Variants in MAPK10 observed in about 807,000 individuals in gnomAD.
MAPK10 encodes the protein JNK3 alpha protein kinase.
MAPK10 carries 25 observed loss-of-function variants against 59.3 expected under a neutral mutation model. That is an observed-to-expected ratio of 0.42 (90% confidence interval 0.31 to 0.59). The LOEUF (loss-of-function observed/expected upper bound fraction) is 0.59, where lower values mean the gene tolerates loss of function less well. Ranked by LOEUF, MAPK10 falls within the 20% of genes least tolerant of loss-of-function variation. The probability of loss-of-function intolerance (pLI) is 0.15; values close to 1 mark genes in which losing one functional copy is unlikely to be tolerated. For synonymous variants in MAPK10, 190 were observed against 200.5 expected, an observed-to-expected ratio of 0.95 and a Z score of 0.44; for missense variants, 351 against 568.9, an observed-to-expected ratio of 0.62 and a Z score of 3.90.
chr4:86,158,421 C>T (rs2068500658), intron 4 of MAPK10, among the ~76,000 whole-genome samples: 1 of 151,580 alleles, frequency 6.6e-6, no homozygotes, highest in African/African-American at 2.4e-5. Context: ...TTCATCTCAT[C>T]CCTTAAAAGT....
chr4:86,289,228 G>T (rs1029764148), intron 2 of MAPK10, among the ~76,000 whole-genome samples: 13 of 152,134 alleles, frequency 8.5e-5, no homozygotes, highest in African/African-American at 3.1e-4. Context: ...TGTGCAAAGT[G>T]CCAGGGAAGG....
chr4:86,089,407 C>A, intron 9 of MAPK10: 1 of 625,046 alleles, frequency 1.6e-6, no homozygotes. Flanking sequence ...AGGCCAGTGG[C>A]ATGATCATTA....
intron 2 of MAPK10, among the ~76,000 whole-genome samples, chr4:86,291,293 A>T (rs2095218575): frequency 6.6e-6 from 1 of 152,224 alleles, no homozygotes; most frequent in Non-Finnish European, 1.5e-5. Context: ...TAGCTTGATA[A>T]TCTACCTTGT....
chr4:86,392,572 T>G (rs562774063), intron 1 of MAPK10: 1 of 152,222 alleles, frequency 6.6e-6, no homozygotes, highest in South Asian at 2.1e-4. Flanking sequence ...TTGAGTTGTA[T>G]CTTTTCTAAC....
Position 86,043,973 on chromosome 4 carries a change from G to C in MAPK10, c.1111-12542C>G, listed in dbSNP as rs1256782740. ...ACTGAATACAATGTCTGTGTTCTTT[G>C]CATTTTTCCACCCCAGGCTTATAGT... On this transcript the variant is annotated intron_variant, in intron 11 of 13. Coordinates refer to ENST00000641462, the MANE Select transcript of MAPK10 (RefSeq NM_138982.4). Among the ~76,000 whole-genome samples, 8 of 152,076 alleles carry C rather than the reference G, an allele frequency of 5.3e-5. No homozygotes were observed. In the South Asian group the frequency reaches 1.2e-3, roughly 24 times the overall value.
At chr4:86,456,850 AC>A (rs1579287272), upstream of MAPK10, among the ~76,000 whole-genome samples, 1 of 152,142 alleles carries the variant, frequency 6.6e-6, no homozygotes, top group East Asian at 1.9e-4. Flanking sequence ...AAAGGACATA[AC>A]CAAAAAAGAC....
At chr4:86,041,096 T>A (rs907737249) in intron 11 of MAPK10, 1 of 152,188 alleles carries the variant, frequency 6.6e-6, no homozygotes, top group Non-Finnish European at 1.5e-5. Flanking sequence ...GTAATGGTGG[T>A]ATGTAATTCA....
At chr4:86,346,733 G>GAA (rs3030114) in intron 2 of MAPK10, among the ~76,000 whole-genome samples, 3 of 138,670 alleles carry the variant, frequency 2.2e-5, no homozygotes, top group African/African-American at 5.6e-5. Context: ...AGTTTGTTTG[G>GAA]AAAAAAAAAA....
chr4:86,129,564 A>G (rs2060648441), intron 4 of MAPK10, among the ~76,000 whole-genome samples: 1 of 152,178 alleles, frequency 6.6e-6, no homozygotes, highest in Non-Finnish European at 1.5e-5. Flanking sequence ...TGGCACTTTG[A>G]GACTACATAT....
At chr4:86,357,370 C>T (rs1335958550) in intron 1 of MAPK10, among the ~76,000 whole-genome samples, 1 of 152,146 alleles carries the variant, frequency 6.6e-6, no homozygotes, top group Non-Finnish European at 1.5e-5. Context: ...GAAACAGATT[C>T]ATTTACATGA....
intron 1 of MAPK10, among the ~76,000 whole-genome samples, chr4:86,546,795 C>A (rs1004555401): frequency 2.0e-5 from 3 of 152,084 alleles, no homozygotes; most frequent in African/African-American, 4.8e-5. Context: ...GTGGCTCATG[C>A]CTGTTAATCC....
intron 2 of MAPK10, among the ~76,000 whole-genome samples, chr4:86,281,688 T>C (rs2148799657): frequency 6.6e-6 from 1 of 152,242 alleles, no homozygotes; most frequent in Admixed American, 6.5e-5. Flanking sequence ...ACTGGAATGT[T>C]GGCTCCTTGA....
chr4:86,233,314 G>C (rs746211687), intron 2 of MAPK10, among the ~76,000 whole-genome samples: 3 of 152,124 alleles, frequency 2.0e-5, no homozygotes, highest in Non-Finnish European at 2.9e-5. Flanking sequence ...AGTGACGTCA[G>C]AATAAATGAT....
intron 4 of MAPK10, among the ~76,000 whole-genome samples, chr4:86,150,886 TA>T (rs1212077681): frequency 6.6e-6 from 1 of 151,998 alleles, no homozygotes. Flanking sequence ...GAACTGCTTG[TA>T]AAATGAGAAC....
intron 2 of MAPK10, among the ~76,000 whole-genome samples, chr4:86,285,492 G>A (rs1356558394): frequency 6.6e-6 from 1 of 152,054 alleles, no homozygotes; most frequent in South Asian, 2.1e-4. Context: ...TGGGATTACA[G>A]GTGTGAGCCA....
intron 2 of MAPK10, among the ~76,000 whole-genome samples, chr4:86,320,557 G>T (rs2095868895): frequency 1.3e-5 from 2 of 152,156 alleles, no homozygotes. Flanking sequence ...CTGGATATTA[G>T]CCCTTTGTCA....
At chr4:86,438,458 G>T (rs886119591) in intron 1 of MAPK10, among the ~76,000 whole-genome samples, 5 of 152,078 alleles carry the variant, frequency 3.3e-5, no homozygotes, top group Non-Finnish European at 5.9e-5. Flanking sequence ...GGGAGGCCGA[G>T]GGGGGTGGAT....
intron 2 of MAPK10, chr4:86,321,719 A>G (rs1365029788): frequency 6.6e-6 from 1 of 152,098 alleles, no homozygotes; most frequent in Non-Finnish European, 1.5e-5. Flanking sequence ...CATGTACCCT[A>G]AAACTCAAAG....
At chr4:86,504,395 C>A (rs1286447706) in intron 1 of MAPK10, among the ~76,000 whole-genome samples, 3 of 152,086 alleles carry the variant, frequency 2.0e-5, no homozygotes, top group Admixed American at 2.0e-4. Flanking sequence ...GAATCCACAT[C>A]CTTCCGATTA....
Sources: allele counts gnomAD v4.1 joint callset (sites outside exome capture counted in the v4.1 genomes callset), GRCh38; gene constraint gnomAD v4.1.1; transcripts MANE v1.5; gene names NCBI Gene and HGNC (gene_info 2026-07-23, HGNC 2026-07-21).